The following ITGA6 variants were observed in gnomAD, a reference collection of about 807,000 sequenced individuals.
The protein encoded by ITGA6 is integrin alpha-6.
A neutral mutation model predicts 133.6 loss-of-function variants in ITGA6; 63 were observed. That is an observed-to-expected ratio of 0.47 (90% confidence interval 0.38 to 0.58). The LOEUF is 0.58. ITGA6 is among the 20% of genes least tolerant of loss of function. ITGA6 has a pLI of 0.00. For synonymous variants in ITGA6, 434 were observed against 482.0 expected, an observed-to-expected ratio of 0.90 and a Z score of 1.30; for missense variants, 1,068 against 1,309.4, an observed-to-expected ratio of 0.82 and a Z score of 2.85.
rs553192481 is a variant in ITGA6 at position 172,466,474 on chromosome 2, G to T, written c.307+811G>T. ...ATCTCTACTAAAAATACAAAAATTA[G>T]CCAGGCGTGGTGGTGTACGCCTGTA... On this transcript the variant is annotated intron_variant, in intron 2 of 25. Transcript: ENST00000684293. 1.2e-4 allele frequency among the ~76,000 whole-genome samples: 18 copies of T among 152,194 alleles called. No individual in the cohort carries two copies. The South Asian group carries it at 2.7e-3, about 23-fold the overall frequency.
Position 172,487,640 on chromosome 2 carries a change from G to A in ITGA6, c.2244+10G>A, listed in dbSNP as rs1248284278. ...TAAAAGAAATTCAAATGTAGGTGAT[G>A]CCTTCATATACTGTATTTTACTGTT... On this transcript the variant is annotated intron_variant, in intron 16 of 25. Transcript: ENST00000684293. The A allele has an allele frequency of 1.2e-6, 2 of 1,611,592 alleles. No individual in the cohort carries two copies. Among genetic ancestry groups the A allele is most frequent in the Admixed American group, 1.7e-5 (1 of 60,006 alleles).
chr2:172,483,087 C>T (rs1686520717), intron 11 of ITGA6, among the ~76,000 whole-genome samples: 1 of 152,122 alleles, frequency 6.6e-6, no homozygotes, highest in Non-Finnish European at 1.5e-5. Context: ...AGATGGAATA[C>T]TCTAGGATCG....
intron 5 of ITGA6, chr2:172,472,740 T>G (rs749871241): frequency 1.5e-6 from 2 of 1,374,808 alleles, no homozygotes; most frequent in East Asian, 4.6e-5. Context: ...AATTACTTTT[T>G]CTTCAATTTC....
intron 8 of ITGA6, among the ~76,000 whole-genome samples, chr2:172,475,994 A>G (rs908407706): frequency 6.6e-6 from 1 of 152,242 alleles, no homozygotes; most frequent in African/African-American, 2.4e-5. Context: ...TTAGTAGCAT[A>G]CTAAATAGAG....
At chr2:172,450,907 AT>A (rs1164635699) in intron 1 of ITGA6, among the ~76,000 whole-genome samples, 7 of 145,796 alleles carry the variant, frequency 4.8e-5, no homozygotes, top group Non-Finnish European at 7.5e-5. Flanking sequence ...ATATATTTAT[AT>A]TATATATAAA....
intron 1 of ITGA6, chr2:172,428,499 T>A (rs3115742): frequency 6.7e-6 from 1 of 148,902 alleles, no homozygotes; most frequent in Non-Finnish European, 1.5e-5. Context: ...CATGACTTTC[T>A]CAGCAAGGCG....
chr2:172,449,683 C>T (rs528763879), intron 1 of ITGA6, among the ~76,000 whole-genome samples: 4 of 152,212 alleles, frequency 2.6e-5, no homozygotes, highest in East Asian at 1.9e-4. Flanking sequence ...TGGTGGTTCA[C>T]GCCTATAATC....
chr2:172,437,279 T>C (rs996060614), intron 1 of ITGA6, among the ~76,000 whole-genome samples: 22 of 152,170 alleles, frequency 1.4e-4, no homozygotes, highest in African/African-American at 4.3e-4. Context: ...AGGACAAAGA[T>C]AGAAGTAATG....
intron 1 of ITGA6, among the ~76,000 whole-genome samples, chr2:172,464,924 T>A (rs1685582177): frequency 6.9e-6 from 1 of 145,684 alleles, no homozygotes; most frequent in African/African-American, 2.5e-5. Context: ...TTGTCCATTC[T>A]ACCCTAATAA....
chr2:172,485,423 C>G (rs967960817), intron 13 of ITGA6, among the ~76,000 whole-genome samples, 159 bp downstream of exon 13: 1 of 152,096 alleles, frequency 6.6e-6, no homozygotes, highest in East Asian at 1.9e-4. Flanking sequence ...GACTTGTTTC[C>G]CAAATTAGCA....
Position 172,504,451 on chromosome 2 carries a change from TTGGAA to T in ITGA6, c.*388_*392del. ...TTTTGCACAGCCAAATTTAAAACTG[TTGGAA>T]TGGATTTTTCTTTAACTGCCGTAAT... On this transcript the variant is annotated 3_prime_UTR_variant, in exon 26 of 26. Transcript: ENST00000684293. The T allele has an allele frequency of 2.4e-6, 1 of 420,694 alleles. No homozygotes were observed. Among genetic ancestry groups the T allele is most frequent in the East Asian group, 3.8e-5 (1 of 26,022 alleles). The allele number at this position is 420,694 out of a possible 1,614,324, so 26.1% of individuals were successfully genotyped here. A position where few individuals can be genotyped will look rare whatever the true frequency, so the allele number is the denominator to read the frequency against.
In ITGA6 at chr2:172,505,361, A is replaced by G. The variant is rs1316085010; in HGVS notation, c.*1293A>G. On this transcript the variant is annotated 3_prime_UTR_variant, in exon 26 of 26. Transcript: ENST00000684293. The stretch of plus-strand genomic sequence containing the variant: ...ATGGTGAATGCCTATGGTGGATCCA[A>G]ACTGATCCAGTATAAGACTACTGAA... The G allele has an allele frequency of 6.6e-6, 1 of 152,214 alleles. No individual in the cohort carries two copies. Among genetic ancestry groups the G allele is most frequent in the Non-Finnish European group, 1.5e-5 (1 of 68,034 alleles). The allele number at this position is 152,214 out of a possible 1,614,324, so 9.4% of individuals were successfully genotyped here. A position where few individuals can be genotyped will look rare whatever the true frequency, so the allele number is the denominator to read the frequency against.
intron 1 of ITGA6, among the ~76,000 whole-genome samples, chr2:172,436,201 C>G (rs79786529): frequency 0.024 from 3,637 of 152,148 alleles, 134 homozygotes; most frequent in African/African-American, 0.082. Context: ...TTTAGAGGCT[C>G]AAGGACAGTG....
At chr2:172,427,501 G>A, upstream of ITGA6, 2 of 1,104,050 alleles carry the variant, frequency 1.8e-6, no homozygotes, top group African/African-American at 1.7e-5. Flanking sequence ...CGGGCCGCGG[G>A]CGCGCAAGGA....
At chr2:172,448,348 A>T (rs1246476482) in intron 1 of ITGA6, among the ~76,000 whole-genome samples, 1 of 152,072 alleles carries the variant, frequency 6.6e-6, no homozygotes, top group African/African-American at 2.4e-5. Flanking sequence ...AGTGGTTTAG[A>T]GCAAGATCTG....
chr2:172,453,419 T>C (rs1685088245), intron 1 of ITGA6, among the ~76,000 whole-genome samples: 1 of 152,036 alleles, frequency 6.6e-6, no homozygotes, highest in African/African-American at 2.4e-5. Context: ...TCCCAGCTAC[T>C]TGGGCTGAGG....
intron 11 of ITGA6, among the ~76,000 whole-genome samples, chr2:172,482,933 A>C (rs763615372): frequency 1.7e-4 from 26 of 152,188 alleles, no homozygotes; most frequent in South Asian, 4.1e-4. Context: ...TGTTCCATAA[A>C]TCATATGTCT....
At position 172,432,686 on chromosome 2, in the gene ITGA6, A is replaced by T. The variant is rs763091219; in HGVS notation, c.182+4716A>T. Among the ~76,000 whole-genome samples the T allele has an allele frequency of 9.2e-5, 14 of 152,330 alleles. 1 individual carries two copies. In the South Asian group the frequency reaches 2.5e-3, roughly 27 times the overall value. ...GGGGGGTTCCAGCTAAGGGATTTTC[A>T]TGAGTGTTTGTAAATTTCACCTGGC... is the stretch of plus-strand genomic sequence containing the variant. On this transcript the variant is annotated intron_variant, in intron 1 of 25. Coordinates refer to ENST00000684293, the MANE Select transcript of ITGA6 (RefSeq NM_000210.4).
At chr2:172,479,916 A>T in intron 10 of ITGA6, 74 bp from the exon 11 acceptor site, 1 of 1,105,896 alleles carries the variant, frequency 9.0e-7, no homozygotes, top group Non-Finnish European at 1.4e-6. Context: ...GGGATTGGAG[A>T]GCTAGGGAAC....
Sources: gnomAD v4.1 joint callset for allele counts (sites outside exome capture counted in the v4.1 genomes callset) on GRCh38, gnomAD v4.1.1 for gene constraint, MANE v1.5 for transcripts, NCBI Gene and HGNC (gene_info 2026-07-23, HGNC 2026-07-21) for gene names.